The following EFR3A variants were observed in gnomAD, a reference collection of about 807,000 sequenced individuals.
EFR3A encodes the protein EFR3 homolog A.
EFR3A carries 76 observed loss-of-function variants against 104.4 expected under a neutral mutation model. That is an observed-to-expected ratio of 0.73 (90% CI 0.60 to 0.88). EFR3A has a LOEUF of 0.88. Ranked by LOEUF, EFR3A falls within the 40% of genes least tolerant of loss-of-function variation. The pLI, the probability that EFR3A is intolerant of heterozygous loss-of-function variation, is 0.00. For synonymous variants in EFR3A, 330 were observed against 330.0 expected (o/e 1.00, Z 0.00); for missense variants, 985 against 1,012.5 (o/e 0.97, Z 0.37).
At chr8:131,909,784 TA>T (rs1380082424) in intron 1 of EFR3A, among the ~76,000 whole-genome samples, 1 of 152,038 alleles carries the variant, frequency 6.6e-6, no homozygotes, top group Admixed American at 6.6e-5. Flanking sequence ...AAGCCAGGAG[TA>T]ACCCTCCTGC....
At position 131,990,781 on chromosome 8, in the gene EFR3A, C is replaced by A. The variant is rs552455117; in HGVS notation, c.2065+3079C>A. ...AGTGAGGATACAGAGTAGGTAGATT[C>A]TAGAAAAATTTATGAGAGAGAATTT... On this transcript the variant is annotated intron_variant, in intron 18 of 22. Transcript: ENST00000254624. 7.2e-5 allele frequency among the ~76,000 whole-genome samples: 11 copies of A among 152,136 alleles called. No homozygotes were observed. The South Asian group carries it at 1.2e-3, about 17-fold the overall frequency.
intron 5 of EFR3A, among the ~76,000 whole-genome samples, chr8:131,952,338 G>A (rs989470782): frequency 1.3e-5 from 2 of 152,130 alleles, no homozygotes; most frequent in African/African-American, 2.4e-5. Context: ...TGTAGAATTC[G>A]TTTTGGGGGG....
At chr8:131,968,823 A>C (rs1819900951) in intron 9 of EFR3A, among the ~76,000 whole-genome samples, 2 of 152,170 alleles carry the variant, frequency 1.3e-5, no homozygotes, top group South Asian at 2.1e-4. Flanking sequence ...GGGAAAATGG[A>C]TTAGGATTAG....
At chr8:131,917,454 A>G (rs939996469) in intron 1 of EFR3A, among the ~76,000 whole-genome samples, 3 of 152,254 alleles carry the variant, frequency 2.0e-5, no homozygotes, top group Non-Finnish European at 2.9e-5. Context: ...GGGATTAACA[A>G]TTTTAAAAGT....
At position 132,010,903 on chromosome 8, in the gene EFR3A, A is replaced by G. The variant is rs771987163; in HGVS notation, c.*8A>G. ...GATCTGTGTGTGTACTGATCGGCGC[A>G]TGAAGACCTCAGGATATGATTTGTA... On this transcript the variant is annotated 3_prime_UTR_variant, in exon 23 of 23. Transcript: ENST00000254624. 2.8e-5 allele frequency: 44 copies of G among 1,588,868 alleles called. No homozygotes were observed. The highest frequency in any genetic ancestry group is 3.5e-5 in the Non-Finnish European group (41 of 1,162,304).
At chr8:132,007,087 T>C (rs938547964) in intron 22 of EFR3A, among the ~76,000 whole-genome samples, 7 of 151,874 alleles carry the variant, frequency 4.6e-5, no homozygotes, top group African/African-American at 1.7e-4. Flanking sequence ...CACCTAAAAC[T>C]GGGTCAAGGA....
intron 9 of EFR3A, 31 bp from the exon 10 acceptor site, chr8:131,970,445 T>A: frequency 1.1e-5 from 17 of 1,599,330 alleles, no homozygotes; most frequent in Non-Finnish European, 1.1e-5. Context: ...ACTAGAAACA[T>A]GTATCTTCTC....
In EFR3A at chr8:131,996,449, A is replaced by G. The variant is rs1237145290; in HGVS notation, c.2109A>G (p.Val703=). The change falls in exon 19 of 23, where the codon GTA becomes GTG. Residue 703 remains valine (V), a synonymous_variant. Transcript: ENST00000254624. The stretch of plus-strand genomic sequence containing the variant: ...GAAGAAAAAGCATTGTGGACACCGT[A>G]TCCATTCAGGTGGATATTTTATCCA... The part of the protein sequence containing the change: ...LSRRKSIVDT[V]SIQVDILSNN... 9 of 1,600,620 alleles carry G rather than the reference A, an allele frequency of 5.6e-6. No homozygotes were observed. Among genetic ancestry groups the G allele is most frequent in the Non-Finnish European group, 7.7e-6 (9 of 1,175,316 alleles).
chr8:131,930,294 A>C (rs1320824587), intron 1 of EFR3A, among the ~76,000 whole-genome samples: 2 of 152,024 alleles, frequency 1.3e-5, no homozygotes, highest in Non-Finnish European at 2.9e-5. Context: ...CTGACGAGTA[A>C]AATAAGTCAC....
chr8:131,953,102 C>G (rs1035050643), intron 5 of EFR3A, among the ~76,000 whole-genome samples: 2 of 152,002 alleles, frequency 1.3e-5, no homozygotes, highest in South Asian at 4.1e-4. Context: ...ATTCTTGAAC[C>G]TATAGATTTT....
chr8:131,946,676 A>C lies in EFR3A; in HGVS notation c.366+43A>C, dbSNP rs754837762. On this transcript the variant is annotated intron_variant, in intron 4 of 22. Coordinates refer to ENST00000254624, the MANE Select transcript of EFR3A (RefSeq NM_015137.6). ...GTTACTAAATGTATGCTTAATTAGC[A>C]TATCTAGAATTAATTACTTCTTAGA... 5.5e-6 allele frequency: 8 copies of C among 1,445,612 alleles called. No homozygotes were observed. The South Asian group carries it at 1.2e-4, about 22-fold the overall frequency. 89.5% of individuals were successfully genotyped at this position (1,445,612 alleles called of 1,614,324 possible).
intron 22 of EFR3A, among the ~76,000 whole-genome samples, chr8:132,004,984 AACT>A (rs1821961652): frequency 2.6e-5 from 4 of 152,344 alleles, no homozygotes; most frequent in South Asian, 2.1e-4. Context: ...TTGGTACCAC[AACT>A]ACTACTAATA....
chr8:131,910,345 C>T (rs1816457453), intron 1 of EFR3A, among the ~76,000 whole-genome samples: 1 of 150,640 alleles, frequency 6.6e-6, no homozygotes, highest in African/African-American at 2.4e-5. Context: ...GATCTCGGCT[C>T]ACTGCAACCT....
chr8:131,933,696 A>G (rs1817732876), intron 1 of EFR3A, among the ~76,000 whole-genome samples: 1 of 152,102 alleles, frequency 6.6e-6, no homozygotes, highest in Non-Finnish European at 1.5e-5. Flanking sequence ...GATTACTAAT[A>G]AGTAGGATAA....
intron 12 of EFR3A, among the ~76,000 whole-genome samples, chr8:131,978,285 T>C (rs1235504924): frequency 6.6e-6 from 1 of 152,154 alleles, no homozygotes; most frequent in Non-Finnish European, 1.5e-5. Context: ...TTAATAGCAT[T>C]TAAGTATATT....
chr8:131,957,906 G>C (rs894799636), intron 7 of EFR3A, among the ~76,000 whole-genome samples: 2 of 152,136 alleles, frequency 1.3e-5, no homozygotes, highest in African/African-American at 4.8e-5. Context: ...TGAGATAAGA[G>C]GGAAAATGTT....
chr8:131,957,104 TAATTA>T (rs1819041055), intron 7 of EFR3A, among the ~76,000 whole-genome samples: 1 of 152,158 alleles, frequency 6.6e-6, no homozygotes, highest in African/African-American at 2.4e-5. Context: ...ATTAGTTAAT[TAATTA>T]AATTAATCTT....
intron 1 of EFR3A, among the ~76,000 whole-genome samples, 200 bp downstream of exon 1, chr8:131,904,522 T>C (rs1816144481): frequency 6.6e-6 from 1 of 152,238 alleles, no homozygotes; most frequent in South Asian, 2.1e-4. Context: ...ATCGGGAAAC[T>C]GAGGCCCGAA....
At chr8:131,980,793 G>C (rs1820569887) in intron 14 of EFR3A, among the ~76,000 whole-genome samples, 1 of 151,848 alleles carries the variant, frequency 6.6e-6, no homozygotes, top group African/African-American at 2.4e-5. Flanking sequence ...TGTAACCTTT[G>C]ATCAATAATC....
Sources: allele counts gnomAD v4.1 joint callset (sites outside exome capture counted in the v4.1 genomes callset), GRCh38; gene constraint gnomAD v4.1.1; transcripts MANE v1.5; gene names NCBI Gene and HGNC (gene_info 2026-07-23, HGNC 2026-07-21).